The following CACNA1I variants were observed in gnomAD, a reference collection of about 807,000 sequenced individuals.
CACNA1I encodes voltage-dependent T-type calcium channel subunit alpha-1I.
Under a neutral mutation model 201.6 loss-of-function variants are expected in CACNA1I, and 74 were observed. The observed-to-expected ratio is 0.37, with a 90% CI of 0.30 to 0.45. The LOEUF is 0.45. Among genes scored for constraint, CACNA1I ranks in the 20% least tolerant of loss-of-function variants. The probability of loss-of-function intolerance (pLI) is 1.00; values close to 1 mark genes in which losing one functional copy is unlikely to be tolerated. For missense variants in CACNA1I, 2,346 were observed against 3,138.1 expected (o/e 0.75, Z 6.03); for synonymous variants, 1,431 against 1,345.2 (o/e 1.06, Z -1.40).
At chr22:39,619,210 C>T (rs975020220) in intron 3 of CACNA1I, 100 bp from the exon 4 acceptor site, 2 of 873,340 alleles carry the variant, frequency 2.3e-6, no homozygotes, top group Non-Finnish European at 3.8e-6. Flanking sequence ...CTTGCCCTGT[C>T]CAGGCAGTAG....
In CACNA1I at chr22:39,649,923, C is replaced by T. The variant is rs1415706877; in HGVS notation, c.1990C>T (p.Gln664Ter). ...TVSMGIEHHE[Q>*]PEELTNILEI... is the part of the protein sequence containing the mutation. The stretch of plus-strand genomic sequence containing the variant: ...CAGCATGGGCATCGAGCACCACGAG[C>T]AGGCCAGTGCAGCGCAGCCGGGCCG... The change falls in exon 10 of 37, where the codon CAG (glutamine) becomes TAG (stop). Residue 664 changes from glutamine (Q) to a stop codon, truncating the protein, a stop_gained and splice_region_variant. Coordinates refer to ENST00000402142, the MANE Select transcript of CACNA1I (RefSeq NM_021096.4). LOFTEE classifies it high-confidence loss of function. The surrounding 1 kb of genome is among the most constrained non-coding windows in gnomAD (Gnocchi z 7.3). The T allele has an allele frequency of 6.2e-7, 1 of 1,612,730 alleles. No individual in the cohort carries two copies. The highest frequency in any genetic ancestry group is 8.5e-7 in the Non-Finnish European group (1 of 1,179,616).
chr22:39,607,152 T>C (rs1933244372), intron 3 of CACNA1I, among the ~76,000 whole-genome samples: 1 of 152,226 alleles, frequency 6.6e-6, no homozygotes, highest in African/African-American at 2.4e-5. Context: ...ACATGGCTGA[T>C]GTGGGCCCTG....
intron 3 of CACNA1I, among the ~76,000 whole-genome samples, chr22:39,607,995 C>T (rs1933269137): frequency 6.6e-6 from 1 of 151,690 alleles, no homozygotes; most frequent in African/African-American, 2.4e-5. Context: ...TGGCAGACAC[C>T]TGTAATCCCA....
In CACNA1I at chr22:39,634,632, C is replaced by T; in HGVS notation, c.648C>T (p.Cys216=). The stretch of plus-strand genomic sequence containing the variant: ...TGCTGGGGAATGTCCTGCTGCTCTG[C>T]TTCTTTGTCTTCTTCATCTTTGGCA... ...LPMLGNVLLL[C]FFVFFIFGII... is the part of the protein sequence containing the mutation. The change falls in exon 5 of 37, where the codon TGC becomes TGT. Residue 216 remains cysteine (C), a synonymous_variant. Coordinates refer to ENST00000402142, the MANE Select transcript of CACNA1I (RefSeq NM_021096.4). The T allele has an allele frequency of 1.2e-6, 2 of 1,613,988 alleles. No individual in the cohort carries two copies. Among genetic ancestry groups the T allele is most frequent in the Non-Finnish European group, 1.7e-6 (2 of 1,179,880 alleles).
At chr22:39,603,552 T>C (rs1933127670) in intron 3 of CACNA1I, among the ~76,000 whole-genome samples, 1 of 152,234 alleles carries the variant, frequency 6.6e-6, no homozygotes, top group African/African-American at 2.4e-5. Context: ...TGCTCTTGTT[T>C]TATGGATGCC....
At chr22:39,647,956 G>A (rs1419985306) in intron 9 of CACNA1I, 30 bp downstream of exon 9, 2 of 1,589,424 alleles carry the variant, frequency 1.3e-6, no homozygotes, top group East Asian at 2.2e-5. Context: ...GGTGGGCCCT[G>A]CCCCCAGCCC....
intron 1 of CACNA1I, 55 bp downstream of exon 1, chr22:39,571,043 G>A (rs1303728655): frequency 7.0e-7 from 1 of 1,425,990 alleles, no homozygotes; most frequent in African/African-American, 1.4e-5. Context: ...AGGGTGGGGG[G>A]CTGGATTGAG....
chr22:39,661,099 C>T lies in CACNA1I; in HGVS notation c.2699-9C>T. On this transcript the variant is annotated splice_polypyrimidine_tract_variant and intron_variant, in intron 15 of 36. Transcript: ENST00000402142. ...TGTCCCTCCCTCTGTCTCCATCTCA[C>T]TCCTCCAGATCCCAAGCTCTGCCCA... is the stretch of plus-strand genomic sequence containing the variant. 4 of 1,611,310 alleles carry T rather than the reference C, an allele frequency of 2.5e-6. No individual in the cohort carries two copies. Among genetic ancestry groups the T allele is most frequent in the South Asian group, 1.1e-5 (1 of 90,828 alleles).
intron 1 of CACNA1I, among the ~76,000 whole-genome samples, chr22:39,591,683 C>A (rs555871118): frequency 6.6e-6 from 1 of 152,214 alleles, no homozygotes; most frequent in African/African-American, 2.4e-5. Context: ...CTCAACCTCC[C>A]AAGTAGCTGG....
chr22:39,618,503 G>A (rs1428672162), intron 3 of CACNA1I, among the ~76,000 whole-genome samples: 1 of 152,120 alleles, frequency 6.6e-6, no homozygotes, highest in African/African-American at 2.4e-5. Flanking sequence ...GCGGGTGGGG[G>A]ATGGATGGTG....
intron 3 of CACNA1I, among the ~76,000 whole-genome samples, chr22:39,618,385 G>A (rs955322565): frequency 6.6e-6 from 1 of 151,540 alleles, no homozygotes; most frequent in Admixed American, 6.6e-5. Context: ...GTGTGCATGG[G>A]TGTGACTGTG....
intron 4 of CACNA1I, among the ~76,000 whole-genome samples, chr22:39,619,773 G>A (rs537183407): frequency 2.0e-5 from 3 of 152,246 alleles, no homozygotes; most frequent in East Asian, 3.9e-4. Flanking sequence ...GAAGGAGGAC[G>A]TCGTAGAGCA....
chr22:39,662,086 C>T lies in CACNA1I; in HGVS notation c.3023C>T (p.Ser1008Phe), dbSNP rs1186581743. 2.6e-6 allele frequency: 4 copies of T among 1,533,052 alleles called. No homozygotes were observed. The allele number at this position is 1,533,052 out of a possible 1,614,324, so 95.0% of individuals were successfully genotyped here. A position where few individuals can be genotyped will look rare whatever the true frequency, so the allele number is the denominator to read the frequency against. The change falls in exon 17 of 37, where the codon TCT becomes TTT. Residue 1008 changes from serine (S) to phenylalanine (F), a missense_variant. By Grantham distance (155) the Ser-to-Phe change is radical (BLOSUM62 -2). Transcript: ENST00000402142. ...PPSAEHESLL[S>F]AERGGGARVC... ...TCGGCGGAGCATGAGTCCCTGCTCTCTGCGGAGCGCGGCGGCGGCGCCCGG... is the reference window on the plus strand; with the variant it reads ...TCGGCGGAGCATGAGTCCCTGCTCTTTGCGGAGCGCGGCGGCGGCGCCCGG...
At chr22:39,644,419 G>A (rs1687289624) in intron 7 of CACNA1I, among the ~76,000 whole-genome samples, 1 of 152,218 alleles carries the variant, frequency 6.6e-6, no homozygotes, top group Non-Finnish European at 1.5e-5. Context: ...CACACAGTGA[G>A]TACTCAGTAC....
At chr22:39,575,467 C>T (rs367799872) in intron 1 of CACNA1I, among the ~76,000 whole-genome samples, 10 of 152,116 alleles carry the variant, frequency 6.6e-5, no homozygotes, top group Non-Finnish European at 1.2e-4. Flanking sequence ...AGGGCCCTCA[C>T]GTACTGCTGA....
intron 29 of CACNA1I, among the ~76,000 whole-genome samples, chr22:39,675,460 G>A (rs2146471342): frequency 6.6e-6 from 1 of 152,236 alleles, no homozygotes; most frequent in South Asian, 2.1e-4. Context: ...CACGGCACAT[G>A]GAGATGTTCA....
intron 10 of CACNA1I, among the ~76,000 whole-genome samples, chr22:39,655,695 C>T (rs539625675): frequency 9.2e-5 from 14 of 152,176 alleles, no homozygotes; most frequent in South Asian, 2.1e-4. Flanking sequence ...TGCCCATCTC[C>T]GCCCCTCCCT....
intron 4 of CACNA1I, among the ~76,000 whole-genome samples, chr22:39,630,270 G>A (rs569146496): frequency 2.0e-5 from 3 of 152,194 alleles, no homozygotes; most frequent in Non-Finnish European, 4.4e-5. Flanking sequence ...TGTTTTCATA[G>A]CACTTTTCAC....
chr22:39,608,266 A>G (rs961372476), intron 3 of CACNA1I, among the ~76,000 whole-genome samples: 1 of 151,960 alleles, frequency 6.6e-6, no homozygotes, highest in Admixed American at 6.6e-5. Flanking sequence ...TTGCACTCCT[A>G]CACTCCAGCC....
Sources: gnomAD v4.1 joint callset for allele counts (sites outside exome capture counted in the v4.1 genomes callset) on GRCh38, gnomAD v4.1.1 for gene constraint, Gnocchi (gnomAD v3.1) non-coding constraint, MANE v1.5 for transcripts, NCBI Gene and HGNC (gene_info 2026-07-23, HGNC 2026-07-21) for gene names.